Variants in PTPRN2 observed in about 807,000 individuals in gnomAD.
PTPRN2 encodes receptor-type tyrosine-protein phosphatase N2.
A neutral mutation model predicts 118.8 loss-of-function variants in PTPRN2; 74 were observed. The ratio of observed to expected loss-of-function variants is 0.62; its 90% CI spans 0.52 to 0.76. The LOEUF is 0.76. PTPRN2 is among the 30% of genes least tolerant of loss of function. The pLI is 0.00. For missense variants in PTPRN2, 1,481 were observed against 1,394.4 expected (o/e 1.06, Z -0.99); for synonymous variants, 641 against 608.0 (o/e 1.05, Z -0.80).
Position 157,893,737 on chromosome 7 carries a change from A to G in PTPRN2, c.1788+4936T>C, listed in dbSNP as rs958818849. On this transcript the variant is annotated intron_variant, in intron 12 of 22. Coordinates refer to ENST00000389418, the MANE Select transcript of PTPRN2 (RefSeq NM_002847.5). This position sits in a 1 kb window ranked among gnomAD's most constrained non-coding sequence, Gnocchi z 4.0. ...CTCGGTGAATGGGTCAGGGCTGGAGACGTAGGCTTGGGATCATCATCGAAC... is the reference window on the plus strand; with the variant it reads ...CTCGGTGAATGGGTCAGGGCTGGAGGCGTAGGCTTGGGATCATCATCGAAC... 2.6e-5 allele frequency among the ~76,000 whole-genome samples: 4 copies of G among 152,132 alleles called. No homozygotes were observed. The highest frequency in any genetic ancestry group is 4.4e-5 in the Non-Finnish European group (3 of 68,010).
At chr7:158,172,220 G>T (rs1173933800) in intron 5 of PTPRN2, among the ~76,000 whole-genome samples, 4 of 152,174 alleles carry the variant, frequency 2.6e-5, no homozygotes, top group Non-Finnish European at 5.9e-5. Context: ...GTTTGGACCA[G>T]TTATCTAACC....
intron 11 of PTPRN2, among the ~76,000 whole-genome samples, chr7:157,968,553 T>C (rs1291110096): frequency 6.6e-6 from 1 of 152,172 alleles, no homozygotes; most frequent in African/African-American, 2.4e-5. Flanking sequence ...CTAACAAGGC[T>C]CGAACGCTGG....
intron 11 of PTPRN2, among the ~76,000 whole-genome samples, chr7:157,948,773 A>C (rs554821043): frequency 4.6e-5 from 7 of 152,346 alleles, no homozygotes; most frequent in African/African-American, 1.7e-4. Flanking sequence ...ATGATGTTCA[A>C]AATAAATGCC....
intron 12 of PTPRN2, among the ~76,000 whole-genome samples, chr7:157,858,096 T>C (rs113655969): frequency 0.046 from 2,750 of 60,110 alleles, 106 homozygotes; most frequent in African/African-American, 0.11. Context: ...CCACCCACAC[T>C]CCTGCAGGGA....
chr7:157,810,598 A>G (rs1805948126), intron 12 of PTPRN2, among the ~76,000 whole-genome samples: 1 of 110,784 alleles, frequency 9.0e-6, no homozygotes, highest in Non-Finnish European at 1.7e-5. Context: ...AGGGACGGGG[A>G]CGGCGGGACT....
intron 13 of PTPRN2, among the ~76,000 whole-genome samples, chr7:157,678,068 C>A (rs933015090): frequency 6.6e-6 from 1 of 152,174 alleles, no homozygotes; most frequent in Non-Finnish European, 1.5e-5. Context: ...CTTGACTTTA[C>A]AATAAAATGT....
At chr7:157,640,768 A>C (rs968821812) in intron 14 of PTPRN2, among the ~76,000 whole-genome samples, 1 of 152,222 alleles carries the variant, frequency 6.6e-6, no homozygotes, top group African/African-American at 2.4e-5. Flanking sequence ...ACAAGAGAAC[A>C]GGGTTTCAAG....
At chr7:157,597,875 C>T (rs528653925) in intron 16 of PTPRN2, among the ~76,000 whole-genome samples, 2 of 152,330 alleles carry the variant, frequency 1.3e-5, no homozygotes, top group South Asian at 2.1e-4. Context: ...CATGTGTCAT[C>T]GGTTTCACAA....
chr7:157,659,847 C>A (rs368153202), intron 13 of PTPRN2, among the ~76,000 whole-genome samples: 1 of 152,042 alleles, frequency 6.6e-6, no homozygotes, highest in East Asian at 1.9e-4. Context: ...TGGGTTCAAA[C>A]GATTCTCCTG....
At chr7:158,320,711 C>T (rs986475542) in intron 2 of PTPRN2, among the ~76,000 whole-genome samples, 1 of 152,138 alleles carries the variant, frequency 6.6e-6, no homozygotes, top group Non-Finnish European at 1.5e-5. Context: ...TCCTTATCTC[C>T]GTATTTAAAG....
chr7:157,764,228 G>T lies in PTPRN2; in HGVS notation c.1789-81291C>A, dbSNP rs1334034780. On this transcript the variant is annotated intron_variant, in intron 12 of 22. Coordinates refer to ENST00000389418, the MANE Select transcript of PTPRN2 (RefSeq NM_002847.5). This position sits in a 1 kb window ranked among gnomAD's most constrained non-coding sequence, Gnocchi z 4.5. ...CCAGGACCCAGCAGTTCCACCAGGG[G>T]CATATGCCCAAAAGCACCGAATGCA... 1.3e-5 allele frequency among the ~76,000 whole-genome samples: 2 copies of T among 152,198 alleles called. No homozygotes were observed. The highest frequency in any genetic ancestry group is 2.9e-5 in the Non-Finnish European group (2 of 68,028).
intron 2 of PTPRN2, among the ~76,000 whole-genome samples, chr7:158,469,841 T>C (rs1819717449): frequency 6.6e-6 from 1 of 151,904 alleles, no homozygotes; most frequent in Non-Finnish European, 1.5e-5. Context: ...CACAATGGGC[T>C]GTCGCCATAA....
intron 2 of PTPRN2, among the ~76,000 whole-genome samples, chr7:158,397,112 G>T (rs1812574901): frequency 6.6e-6 from 1 of 152,202 alleles, no homozygotes; most frequent in South Asian, 2.1e-4. Context: ...CTGTAAGAGT[G>T]CCTCCCTGAT....
At chr7:157,594,463 G>A (rs945172170) in intron 17 of PTPRN2, among the ~76,000 whole-genome samples, 1 of 152,228 alleles carries the variant, frequency 6.6e-6, no homozygotes, top group Non-Finnish European at 1.5e-5. Flanking sequence ...CGTCACTGCT[G>A]CGACAGGCAC....
chr7:157,905,045 C>T (rs1227999464), intron 11 of PTPRN2, among the ~76,000 whole-genome samples: 9 of 152,328 alleles, frequency 5.9e-5, no homozygotes, highest in African/African-American at 1.9e-4. Flanking sequence ...CTTTTCCACA[C>T]TGTTGGTGGA....
intron 11 of PTPRN2, among the ~76,000 whole-genome samples, chr7:157,956,964 G>C (rs567573121): frequency 6.6e-6 from 1 of 152,334 alleles, no homozygotes; most frequent in South Asian, 2.1e-4. Flanking sequence ...CTGCATCTGA[G>C]CCCATTCTGT....
At chr7:157,807,733 C>T (rs759046069) in intron 12 of PTPRN2, among the ~76,000 whole-genome samples, 56 of 152,324 alleles carry the variant, frequency 3.7e-4, no homozygotes, top group African/African-American at 9.9e-4. Flanking sequence ...GACTAGGCAC[C>T]GCCCCTGCAA....
At chr7:158,222,387 C>G (rs1347860835) in intron 3 of PTPRN2, among the ~76,000 whole-genome samples, 1 of 152,140 alleles carries the variant, frequency 6.6e-6, no homozygotes, top group East Asian at 1.9e-4. Context: ...TGGAATACTA[C>G]ACAGCCATAA....
Position 158,066,032 on chromosome 7 carries a change from G to T in PTPRN2, c.1723+15266C>A, listed in dbSNP as rs561699333. ...GGACGGGCTTTCTTTCCATGCCTCAGTTTACCTATGTGTCCCACGTCCCTC... is the reference window on the plus strand; with the variant it reads ...GGACGGGCTTTCTTTCCATGCCTCATTTTACCTATGTGTCCCACGTCCCTC... On this transcript the variant is annotated intron_variant, in intron 11 of 22. Coordinates refer to ENST00000389418, the MANE Select transcript of PTPRN2 (RefSeq NM_002847.5). Among the ~76,000 whole-genome samples the T allele has an allele frequency of 2.0e-5, 3 of 152,320 alleles. No homozygotes were observed. The East Asian group carries it at 5.8e-4, about 29-fold the overall frequency.
Sources: gnomAD v4.1 joint callset for allele counts (sites outside exome capture counted in the v4.1 genomes callset) on GRCh38, gnomAD v4.1.1 for gene constraint, Gnocchi (gnomAD v3.1) non-coding constraint, MANE v1.5 for transcripts, NCBI Gene and HGNC (gene_info 2026-07-23, HGNC 2026-07-21) for gene names.